Variants in TPD52 observed in about 807,000 individuals in gnomAD.
TPD52 encodes tumor protein D52, also known as prostate and colon associated protein.
TPD52 carries 17 observed loss-of-function variants against 31.3 expected under a neutral mutation model. The observed-to-expected ratio is 0.54, with a 90% confidence interval of 0.37 to 0.82. The LOEUF is 0.82. Ranked by LOEUF, TPD52 falls within the 40% of genes least tolerant of loss-of-function variation. The pLI is 0.00. For synonymous variants in TPD52, 83 were observed against 89.6 expected (o/e 0.93, Z 0.42); for missense variants, 212 against 240.1 (o/e 0.88, Z 0.77).
intron 1 of TPD52, among the ~76,000 whole-genome samples, chr8:80,083,945 C>A (rs770075476): frequency 3.3e-5 from 5 of 152,150 alleles, no homozygotes; most frequent in Non-Finnish European, 7.4e-5. Flanking sequence ...GTCTCCTAGA[C>A]CTGACTTTGA....
At chr8:80,171,197 G>T (rs1812062716) in intron 1 of TPD52, 1 of 701,776 alleles carries the variant, frequency 1.4e-6, no homozygotes, top group African/African-American at 1.8e-5. Context: ...CCCCACACAC[G>T]CACACTCACA....
At chr8:80,140,565 G>A (rs753624946) in intron 1 of TPD52, among the ~76,000 whole-genome samples, 1 of 152,116 alleles carries the variant, frequency 6.6e-6, no homozygotes, top group Non-Finnish European at 1.5e-5. Context: ...AAGTAACAAC[G>A]GTTAAGGCTT....
chr8:80,137,246 A>C (rs1809499993), intron 1 of TPD52, among the ~76,000 whole-genome samples: 1 of 152,206 alleles, frequency 6.6e-6, no homozygotes, highest in Non-Finnish European at 1.5e-5. Context: ...GGGTGATGAA[A>C]ATATTCTAAA....
intron 1 of TPD52, among the ~76,000 whole-genome samples, chr8:80,123,685 T>C (rs1808412184): frequency 6.6e-6 from 1 of 152,208 alleles, no homozygotes; most frequent in Non-Finnish European, 1.5e-5. Flanking sequence ...AAACGGCTTA[T>C]AAATCATGAG....
At chr8:80,087,477 G>GGGCTAA (rs1331937405) in intron 1 of TPD52, among the ~76,000 whole-genome samples, 4 of 152,192 alleles carry the variant, frequency 2.6e-5, no homozygotes, top group African/African-American at 9.6e-5. Flanking sequence ...CTGTAAATTT[G>GGGCTAA]AAAAGGGCTA....
chr8:80,112,839 A>C (rs1396885590), intron 1 of TPD52, among the ~76,000 whole-genome samples: 1 of 152,190 alleles, frequency 6.6e-6, no homozygotes, highest in Non-Finnish European at 1.5e-5. Flanking sequence ...TGAAATGCTT[A>C]GGGTCAGAAG....
chr8:80,055,546 A>C (rs1309831522), intron 2 of TPD52, among the ~76,000 whole-genome samples: 1 of 152,222 alleles, frequency 6.6e-6, no homozygotes, highest in East Asian at 1.9e-4. Context: ...GGCAACAAAA[A>C]CAAAAATAGA....
At chr8:80,124,917 A>G (rs1036376856) in intron 1 of TPD52, among the ~76,000 whole-genome samples, 5 of 152,190 alleles carry the variant, frequency 3.3e-5, no homozygotes. Flanking sequence ...CCATATATGC[A>G]CAACCTCCCT....
intron 1 of TPD52, among the ~76,000 whole-genome samples, chr8:80,082,719 CCCCCTGA>C (rs1815418468): frequency 6.6e-6 from 1 of 152,214 alleles, no homozygotes; most frequent in African/African-American, 2.4e-5. Flanking sequence ...ATGTGAAGAG[CCCCCTGA>C]CAGGCGCCTG....
At chr8:80,057,598 A>AT (rs1812037915) in intron 2 of TPD52, among the ~76,000 whole-genome samples, 1 of 152,310 alleles carries the variant, frequency 6.6e-6, no homozygotes, top group South Asian at 2.1e-4. Context: ...GTTCTGACTT[A>AT]TAAGTGGGAG....
At chr8:80,151,993 T>C (rs1263657013) in intron 1 of TPD52, among the ~76,000 whole-genome samples, 1 of 152,208 alleles carries the variant, frequency 6.6e-6, no homozygotes, top group Non-Finnish European at 1.5e-5. Flanking sequence ...GAGACCTAAG[T>C]ACTTCCTGGT....
chr8:80,082,162 T>C (rs1471370330), intron 1 of TPD52, among the ~76,000 whole-genome samples: 1 of 151,936 alleles, frequency 6.6e-6, no homozygotes, highest in Non-Finnish European at 1.5e-5. Context: ...CAAAAAAATC[T>C]GTATTTTTCT....
intron 1 of TPD52, among the ~76,000 whole-genome samples, chr8:80,136,392 TG>T (rs1439237713): frequency 6.7e-6 from 1 of 150,344 alleles, no homozygotes; most frequent in African/African-American, 2.4e-5. Context: ...GGCGTGGTGG[TG>T]GGCACCTGTA....
intron 1 of TPD52, among the ~76,000 whole-genome samples, chr8:80,139,906 C>A (rs567156688): frequency 1.9e-4 from 29 of 152,244 alleles, no homozygotes; most frequent in Non-Finnish European, 3.5e-4. Context: ...GGACCCCACC[C>A]GGCTCTTCTG....
intron 1 of TPD52, among the ~76,000 whole-genome samples, chr8:80,094,286 T>A (rs1816516446): frequency 6.6e-6 from 1 of 151,500 alleles, no homozygotes; most frequent in Non-Finnish European, 1.5e-5. Flanking sequence ...TATGATTTAA[T>A]AATCTTACTT....
chr8:80,063,660 A>G (rs1165399894), intron 2 of TPD52, among the ~76,000 whole-genome samples: 1 of 151,806 alleles, frequency 6.6e-6, no homozygotes, highest in Non-Finnish European at 1.5e-5. Flanking sequence ...AGCTGAGCAC[A>G]GTGGCAGACG....
At chr8:80,059,886 G>T (rs556737567) in intron 2 of TPD52, among the ~76,000 whole-genome samples, 1 of 151,926 alleles carries the variant, frequency 6.6e-6, no homozygotes, top group Non-Finnish European at 1.5e-5. Flanking sequence ...TTCAAGACCA[G>T]CCTGGCCAAC....
At chr8:80,161,805 C>A (rs1420706646) in intron 1 of TPD52, among the ~76,000 whole-genome samples, 1 of 151,214 alleles carries the variant, frequency 6.6e-6, no homozygotes, top group East Asian at 1.9e-4. Context: ...TCTTGGCTCA[C>A]TGCAACCTCC....
intron 1 of TPD52, among the ~76,000 whole-genome samples, chr8:80,153,791 T>C (rs1258606949): frequency 6.6e-6 from 1 of 152,202 alleles, no homozygotes; most frequent in Non-Finnish European, 1.5e-5. Flanking sequence ...AAAGGGAAAA[T>C]ACATCTGCCC....
Sources: allele counts gnomAD v4.1 joint callset (sites outside exome capture counted in the v4.1 genomes callset), GRCh38; gene constraint gnomAD v4.1.1; transcripts MANE v1.5; gene names NCBI Gene and HGNC (gene_info 2026-07-23, HGNC 2026-07-21).